GSG1L: variants seen among roughly 807,000 people sequenced by gnomAD.
The protein encoded by GSG1L is GSG1 like.
Under a neutral mutation model 42.1 loss-of-function variants are expected in GSG1L, and 24 were observed. The observed-to-expected ratio is 0.57, with a 90% confidence interval of 0.41 to 0.80. The LOEUF (loss-of-function observed/expected upper bound fraction) is 0.80. Among genes scored for constraint, GSG1L ranks in the 30% least tolerant of loss-of-function variants. The pLI is 0.00. For missense variants in GSG1L, 445 were observed against 472.2 expected, an observed-to-expected ratio of 0.94 and a Z score of 0.53; for synonymous variants, 215 against 203.5, an observed-to-expected ratio of 1.06 and a Z score of -0.48.
intron 3 of GSG1L, among the ~76,000 whole-genome samples, chr16:27,872,646 G>A (rs1295662123): frequency 1.3e-5 from 2 of 152,150 alleles, no homozygotes; most frequent in Non-Finnish European, 2.9e-5. Flanking sequence ...TTGCGGTAAA[G>A]AAGCCAGCCA....
At chr16:27,854,907 A>G (rs369976641) in intron 3 of GSG1L, among the ~76,000 whole-genome samples, 20 of 152,098 alleles carry the variant, frequency 1.3e-4, no homozygotes, top group African/African-American at 4.6e-4. Context: ...CCTTGGATGT[A>G]CACACCCCTA....
chr16:27,945,606 A>T (rs1417057644), intron 2 of GSG1L, among the ~76,000 whole-genome samples: 1 of 152,216 alleles, frequency 6.6e-6, no homozygotes, highest in Non-Finnish European at 1.5e-5. Context: ...TGAAATTTCA[A>T]GCAGACGCCT....
chr16:27,892,959 C>T (rs2084146294), intron 2 of GSG1L, among the ~76,000 whole-genome samples: 1 of 152,104 alleles, frequency 6.6e-6, no homozygotes, highest in Non-Finnish European at 1.5e-5. Context: ...CTTCTTAGTG[C>T]TGTGGAATGC....
At chr16:27,852,263 G>T (rs1374018356) in intron 3 of GSG1L, among the ~76,000 whole-genome samples, 1 of 152,232 alleles carries the variant, frequency 6.6e-6, no homozygotes, top group Non-Finnish European at 1.5e-5. Flanking sequence ...GAGCCAGAAA[G>T]ATGGGGCAGG....
intron 5 of GSG1L, among the ~76,000 whole-genome samples, chr16:27,818,145 C>A (rs1363645890): frequency 1.3e-5 from 2 of 152,216 alleles, no homozygotes; most frequent in Non-Finnish European, 2.9e-5. Context: ...GGCTTCCCAT[C>A]CTCTCCCCAT....
chr16:27,799,010 G>C (rs1329720812), intron 6 of GSG1L, among the ~76,000 whole-genome samples: 1 of 152,162 alleles, frequency 6.6e-6, no homozygotes, highest in Non-Finnish European at 1.5e-5. Flanking sequence ...ACATACTGGT[G>C]ACCTACTGTG....
chr16:27,888,973 G>GATATAGATATAGATATAGATATAA (rs774360829), intron 2 of GSG1L, among the ~76,000 whole-genome samples: 1 of 146,516 alleles, frequency 6.8e-6, no homozygotes, highest in South Asian at 2.2e-4. Flanking sequence ...TATAGATATA[G>GATATAGATATAGATATAGATATAA]ATAGATATAC....
rs554703855 is a variant in GSG1L, at chr16:27,789,131, AGATG to A, written c.*2235_*2238del. 3.3e-5 allele frequency: 5 copies of A among 152,354 alleles called. No homozygotes were observed. In the South Asian group the frequency reaches 6.2e-4, roughly 19 times the overall value. The allele number at this position is 152,354 out of a possible 1,614,324, so 9.4% of individuals were successfully genotyped here. A position where few individuals can be genotyped will look rare whatever the true frequency, so the allele number is the denominator to read the frequency against. On this transcript the variant is annotated 3_prime_UTR_variant, in exon 7 of 7. Transcript: ENST00000447459. The stretch of plus-strand genomic sequence containing the variant: ...GACAAGCAATCAATAGAAGATGGAT[AGATG>A]GATGGATGAATGGATGGATAATTGA...
chr16:27,803,780 T>TATATATATATAG (rs2082913208), intron 6 of GSG1L, among the ~76,000 whole-genome samples: 1 of 83,126 alleles, frequency 1.2e-5, no homozygotes, highest in South Asian at 3.2e-4. Context: ...TATATATATA[T>TATATATATATAG]ATATATATAT....
intron 2 of GSG1L, among the ~76,000 whole-genome samples, chr16:27,913,633 G>C (rs1324167949): frequency 1.3e-5 from 2 of 152,094 alleles, no homozygotes; most frequent in African/African-American, 4.8e-5. Flanking sequence ...AGTTTTATTG[G>C]ACCACAATCA....
chr16:27,864,851 A>G (rs889232620), intron 3 of GSG1L, among the ~76,000 whole-genome samples: 5 of 152,168 alleles, frequency 3.3e-5, no homozygotes, highest in African/African-American at 1.2e-4. Flanking sequence ...CGCAGGAAGG[A>G]GCCCAGCCCA....
chr16:27,944,479 G>A (rs1331567873), intron 2 of GSG1L, among the ~76,000 whole-genome samples: 1 of 151,958 alleles, frequency 6.6e-6, no homozygotes, highest in African/African-American at 2.4e-5. Context: ...AAAATTAGCT[G>A]GGTGTGGTGG....
At chr16:27,927,932 A>C (rs1008685672) in intron 2 of GSG1L, among the ~76,000 whole-genome samples, 5 of 152,148 alleles carry the variant, frequency 3.3e-5, no homozygotes, top group African/African-American at 1.2e-4. Flanking sequence ...AAATCTCCCC[A>C]GGTGGTTCCA....
rs1452650525 is a variant in GSG1L, at chr16:27,803,786, T to TAG, written c.898+3700_898+3701insCT. On this transcript the variant is annotated intron_variant, in intron 6 of 6. Coordinates refer to ENST00000447459, the MANE Select transcript of GSG1L (RefSeq NM_001109763.2). ...GCAGACATATATATATATATATATA[T>TAG]ATATATATAGATAGATAGATATAGA... is the stretch of plus-strand genomic sequence containing the variant. 8.6e-3 allele frequency among the ~76,000 whole-genome samples: 706 copies of TAG among 82,244 alleles called. 4 individuals are homozygous for TAG. Among genetic ancestry groups the TAG allele is most frequent in the Admixed American group, 0.016 (116 of 7,220 alleles). 54.0% of individuals were successfully genotyped at this position (82,244 alleles called of 152,430 possible).
At chr16:27,902,730 G>A (rs2141043904) in intron 2 of GSG1L, among the ~76,000 whole-genome samples, 1 of 152,310 alleles carries the variant, frequency 6.6e-6, no homozygotes, top group African/African-American at 2.4e-5. Flanking sequence ...GGGTGCCTTG[G>A]GCGTTATTTA....
chr16:28,003,812 G>A (rs1045176404), intron 1 of GSG1L, among the ~76,000 whole-genome samples: 1 of 152,176 alleles, frequency 6.6e-6, no homozygotes, highest in African/African-American at 2.4e-5. Flanking sequence ...CGGACCTTAG[G>A]GAGTTGGGAG....
chr16:27,965,782 C>G (rs1027662200), intron 1 of GSG1L, among the ~76,000 whole-genome samples: 1 of 152,256 alleles, frequency 6.6e-6, no homozygotes, highest in African/African-American at 2.4e-5. Context: ...AGCCTCTGCA[C>G]TGGTCTCTCT....
chr16:28,013,605 G>A (rs763443060), intron 1 of GSG1L, among the ~76,000 whole-genome samples: 172 of 152,290 alleles, frequency 1.1e-3, no homozygotes, highest in Non-Finnish European at 1.7e-3. Context: ...CACTGACCAC[G>A]TGCCAGGTGC....
At chr16:27,801,754 TG>T (rs1257163437) in intron 6 of GSG1L, among the ~76,000 whole-genome samples, 1 of 152,186 alleles carries the variant, frequency 6.6e-6, no homozygotes, top group East Asian at 1.9e-4. Flanking sequence ...GTGTGGGTGA[TG>T]AGGTCAGACC....
Sources: allele counts gnomAD v4.1 joint callset (sites outside exome capture counted in the v4.1 genomes callset), GRCh38; gene constraint gnomAD v4.1.1; transcripts MANE v1.5; gene names NCBI Gene and HGNC (gene_info 2026-07-23, HGNC 2026-07-21).